The following TNFRSF21 variants were observed in gnomAD, a reference collection of about 807,000 sequenced individuals.
TNFRSF21 encodes tumor necrosis factor receptor superfamily member 21.
In TNFRSF21, 19 loss-of-function variants were observed where a neutral mutation model predicts 45.6. The ratio of observed to expected loss-of-function variants is 0.42; its 90% CI spans 0.29 to 0.61. TNFRSF21 has a LOEUF of 0.61. TNFRSF21 is among the 20% of genes least tolerant of loss of function. The pLI is 0.23. For missense variants in TNFRSF21, 737 were observed against 851.5 expected, an observed-to-expected ratio of 0.87 and a Z score of 1.67; for synonymous variants, 314 against 335.5, an observed-to-expected ratio of 0.94 and a Z score of 0.70.
Position 47,285,954 on chromosome 6 carries a change from A to G in TNFRSF21, c.738T>C (p.Tyr246=), listed in dbSNP as rs752607569. The G allele has an allele frequency of 5.0e-6, 8 of 1,613,830 alleles. No individual in the cohort carries two copies. In the Admixed American group the frequency reaches 1.0e-4, roughly 20 times the overall value. The part of the protein sequence containing the change: ...METHEVPSST[Y]VPKGMNSTES... ...ATGAGGTTAAGTTACCTTTGGGAAC[A>G]TAAGTGGAGGAAGGGACTTCATGGG... is the stretch of plus-strand genomic sequence containing the variant. Residue 246 remains tyrosine, a synonymous_variant, in exon 2 of 6, where the codon TAT becomes TAC. Transcript: ENST00000296861.
intron 5 of TNFRSF21, among the ~76,000 whole-genome samples, chr6:47,233,867 G>A (rs939569240): frequency 1.3e-5 from 2 of 151,842 alleles, no homozygotes; most frequent in African/African-American, 2.4e-5. Context: ...TCCCTACCCC[G>A]ATATTAAAAA....
At chr6:47,262,788 C>T (rs1392187778) in intron 3 of TNFRSF21, among the ~76,000 whole-genome samples, 2 of 152,006 alleles carry the variant, frequency 1.3e-5, no homozygotes, top group East Asian at 3.9e-4. Flanking sequence ...GCAAGTGGGC[C>T]AGGGAGAGGG....
chr6:47,309,630 A>T lies in TNFRSF21; in HGVS notation c.-119T>A. On this transcript the variant is annotated 5_prime_UTR_variant, in exon 1 of 6. Transcript: ENST00000296861. ...CCGGGCCGGGAGCCCATCTACCTCC[A>T]ACACCCCATGTGCACTGCTGCGGCC... 1 of 1,324,686 alleles carries T rather than the reference A, an allele frequency of 7.5e-7. No individual in the cohort carries two copies. The highest frequency in any genetic ancestry group is 9.7e-7 in the Non-Finnish European group (1 of 1,032,210). 82.1% of individuals were successfully genotyped at this position (1,324,686 alleles called of 1,614,324 possible).
chr6:47,253,131 CGTGTGT>C, intron 4 of TNFRSF21, 119 bp downstream of exon 4: 6 of 1,017,832 alleles, frequency 5.9e-6, no homozygotes, highest in Non-Finnish European at 8.4e-6. Context: ...CAGGCGTATG[CGTGTGT>C]GTGTGTGTGT....
intron 3 of TNFRSF21, among the ~76,000 whole-genome samples, chr6:47,255,737 A>G (rs1242899228): frequency 6.6e-6 from 1 of 152,194 alleles, no homozygotes; most frequent in African/African-American, 2.4e-5. Flanking sequence ...TGCTGGGATT[A>G]CAGGCGTGAG....
Position 47,253,253 on chromosome 6 carries a change from T to G in TNFRSF21, c.1509+3A>C, listed in dbSNP as rs1345988420. 1 of 1,611,764 alleles carries G rather than the reference T, an allele frequency of 6.2e-7. No homozygotes were observed. The highest frequency in any genetic ancestry group is 8.5e-7 in the Non-Finnish European group (1 of 1,178,592). ...TAATGACACACAACAAGGGCTCCAT[T>G]ACCTGGGTGGTGTCTTCCATCAGCC... On this transcript the variant is annotated splice_donor_region_variant and intron_variant, in intron 4 of 5. Coordinates refer to ENST00000296861, the MANE Select transcript of TNFRSF21 (RefSeq NM_014452.5).
chr6:47,268,622 G>GCCA (rs35032992), intron 3 of TNFRSF21, among the ~76,000 whole-genome samples: 48,651 of 151,876 alleles, frequency 0.32, 7,918 homozygotes, highest in Non-Finnish European at 0.35. Flanking sequence ...TTATCTCACA[G>GCCA]CCAGTTCTTT....
intron 1 of TNFRSF21, among the ~76,000 whole-genome samples, chr6:47,286,961 T>C (rs1414245840): frequency 6.6e-6 from 1 of 152,206 alleles, no homozygotes; most frequent in Non-Finnish European, 1.5e-5. Flanking sequence ...ATGTTATATA[T>C]GGCTGGGCGC....
At chr6:47,248,597 G>A (rs1764855790) in intron 4 of TNFRSF21, among the ~76,000 whole-genome samples, 1 of 152,198 alleles carries the variant, frequency 6.6e-6, no homozygotes, top group Admixed American at 6.5e-5. Flanking sequence ...TCCCTTGCTA[G>A]AGAAAACATT....
intron 1 of TNFRSF21, among the ~76,000 whole-genome samples, chr6:47,291,797 C>T (rs1346917573): frequency 6.6e-6 from 1 of 152,228 alleles, no homozygotes; most frequent in Non-Finnish European, 1.5e-5. Context: ...AAGGCCTCTT[C>T]CAATTCTGAA....
chr6:47,266,591 C>T (rs537396547), intron 3 of TNFRSF21, among the ~76,000 whole-genome samples: 14 of 152,268 alleles, frequency 9.2e-5, no homozygotes, highest in African/African-American at 3.4e-4. Context: ...AAAGAACAGT[C>T]TTTACATTCA....
intron 1 of TNFRSF21, among the ~76,000 whole-genome samples, chr6:47,307,611 C>T (rs1419260248): frequency 6.6e-6 from 1 of 152,158 alleles, no homozygotes; most frequent in Non-Finnish European, 1.5e-5. Flanking sequence ...TGGACTCAAG[C>T]AATCCTCCCA....
chr6:47,277,853 C>T (rs1249245244), intron 3 of TNFRSF21, among the ~76,000 whole-genome samples: 1 of 152,150 alleles, frequency 6.6e-6, no homozygotes, highest in Middle Eastern at 3.2e-3. Flanking sequence ...AAAGCTTCAT[C>T]TCCTGTGCCT....
intron 1 of TNFRSF21, among the ~76,000 whole-genome samples, chr6:47,292,167 T>A (rs1161197674): frequency 2.0e-5 from 3 of 152,120 alleles, no homozygotes; most frequent in African/African-American, 7.2e-5. Context: ...CAAGGTGAGA[T>A]GCCACCCAAA....
chr6:47,261,945 T>A (rs1407043938), intron 3 of TNFRSF21, among the ~76,000 whole-genome samples: 1 of 152,260 alleles, frequency 6.6e-6, no homozygotes, highest in Admixed American at 6.5e-5. Context: ...AACTGCTTTA[T>A]TAGTGCTAGG....
intron 1 of TNFRSF21, among the ~76,000 whole-genome samples, chr6:47,292,248 T>C (rs1306597189): frequency 6.6e-6 from 1 of 152,156 alleles, no homozygotes; most frequent in Non-Finnish European, 1.5e-5. Context: ...GGAGCCAGAA[T>C]ATCTGACGCC....
chr6:47,235,504 G>A (rs114840839), intron 4 of TNFRSF21, among the ~76,000 whole-genome samples: 381 of 152,300 alleles, frequency 2.5e-3, no homozygotes, highest in African/African-American at 8.8e-3. Flanking sequence ...AGACACCTTG[G>A]TCTTGGCCTT....
Position 47,239,345 on chromosome 6 carries a change from A to C in TNFRSF21, c.1510-4447T>G, listed in dbSNP as rs4714999. On this transcript the variant is annotated intron_variant, in intron 4 of 5. Coordinates refer to ENST00000296861, the MANE Select transcript of TNFRSF21 (RefSeq NM_014452.5). ...AGCCCAAAAATAATTCTCCACTTCT[A>C]ATATCAAACTGAAAAATCACTTCCC... 3.8e-3 allele frequency among the ~76,000 whole-genome samples: 572 copies of C among 151,594 alleles called. 11 individuals carry two copies. In the East Asian group the frequency reaches 0.045, roughly 12 times the overall value.
intron 3 of TNFRSF21, among the ~76,000 whole-genome samples, chr6:47,255,459 GTTT>G (rs569910724): frequency 2.1e-5 from 3 of 146,296 alleles, no homozygotes; most frequent in Admixed American, 6.8e-5. Context: ...CATGTCTTTG[GTTT>G]TTTTTTTTGT....
Sources: allele counts gnomAD v4.1 joint callset (sites outside exome capture counted in the v4.1 genomes callset), GRCh38; gene constraint gnomAD v4.1.1; transcripts MANE v1.5; gene names NCBI Gene and HGNC (gene_info 2026-07-23, HGNC 2026-07-21).